CNTN3: variants seen among roughly 807,000 people sequenced by gnomAD.
CNTN3 encodes the protein contactin-3.
In CNTN3, 60 loss-of-function variants were observed where a neutral mutation model predicts 119.1. The observed-to-expected ratio is 0.50, with a 90% CI of 0.41 to 0.62. The LOEUF is 0.62. CNTN3 is among the 20% of genes least tolerant of loss of function. The pLI is 0.00. For missense variants in CNTN3, 1,101 were observed against 1,242.4 expected (o/e 0.89, Z 1.71); for synonymous variants, 450 against 438.7 (o/e 1.03, Z -0.32).
At chr3:74,484,052 C>A (rs1305428358) in intron 4 of CNTN3, among the ~76,000 whole-genome samples, 1 of 151,964 alleles carries the variant, frequency 6.6e-6, no homozygotes, top group Non-Finnish European at 1.5e-5. Flanking sequence ...AATTAAGAAT[C>A]CATAGTAGAA....
At chr3:74,334,948 A>G (rs758869919) in intron 12 of CNTN3, 38 bp from the exon 13 acceptor site, 30 of 1,545,720 alleles carry the variant, frequency 1.9e-5, no homozygotes, top group Non-Finnish European at 1.5e-5. Context: ...ACAGCATTTT[A>G]TTGTGATAAA....
At chr3:74,572,582 T>C (rs2106652982) in intron 1 of CNTN3, among the ~76,000 whole-genome samples, 1 of 152,372 alleles carries the variant, frequency 6.6e-6, no homozygotes, top group Admixed American at 6.5e-5. Context: ...TAACATGTTC[T>C]GTGCATATGT....
intron 5 of CNTN3, among the ~76,000 whole-genome samples, chr3:74,404,967 A>G (rs1409137095): frequency 6.6e-6 from 1 of 151,972 alleles, no homozygotes; most frequent in African/African-American, 2.4e-5. Context: ...CCCTACTCTA[A>G]AAAAATCTCC....
intron 4 of CNTN3, among the ~76,000 whole-genome samples, chr3:74,469,945 A>C (rs1453754281): frequency 6.6e-6 from 1 of 152,254 alleles, no homozygotes; most frequent in East Asian, 1.9e-4. Context: ...AAAAAGCAGA[A>C]ACAACCCTAA....
At chr3:74,496,736 T>C (rs1703071521) in intron 3 of CNTN3, among the ~76,000 whole-genome samples, 1 of 152,058 alleles carries the variant, frequency 6.6e-6, no homozygotes, top group South Asian at 2.1e-4. Context: ...GCAGTTACAA[T>C]GAGATTGAAT....
At chr3:74,466,579 C>T (rs1287013700) in intron 4 of CNTN3, among the ~76,000 whole-genome samples, 3 of 151,856 alleles carry the variant, frequency 2.0e-5, no homozygotes, top group African/African-American at 4.8e-5. Context: ...AACTTAAGGC[C>T]GAGATGAGTT....
chr3:74,285,511 A>G lies in CNTN3; in HGVS notation c.2518-20T>C. 1 of 1,589,392 alleles carries G rather than the reference A, an allele frequency of 6.3e-7. No individual in the cohort carries two copies. The highest frequency in any genetic ancestry group is 8.6e-7 in the Non-Finnish European group (1 of 1,169,546). ...CCGCACCTGGTGGGCGGAAGACACCAAACATGTGAAGGCTTAAAAAATTCT... is the reference window on the plus strand; with the variant it reads ...CCGCACCTGGTGGGCGGAAGACACCGAACATGTGAAGGCTTAAAAAATTCT... On this transcript the variant is annotated intron_variant, in intron 19 of 22. Coordinates refer to ENST00000263665, the MANE Select transcript of CNTN3 (RefSeq NM_020872.3).
At chr3:74,441,447 C>G (rs973327421) in intron 4 of CNTN3, among the ~76,000 whole-genome samples, 1 of 152,022 alleles carries the variant, frequency 6.6e-6, no homozygotes, top group Non-Finnish European at 1.5e-5. Context: ...CAGAATAAGC[C>G]AACAGCAAGA....
At position 74,597,083 on chromosome 3, in the gene CNTN3, T is replaced by C. The variant is rs181449415; in HGVS notation, c.-81+17308A>G. Among the ~76,000 whole-genome samples the C allele has an allele frequency of 2.0e-3, 305 of 152,148 alleles. 1 individual carries two copies. The highest frequency in any genetic ancestry group is 6.4e-3 in the African/African-American group (265 of 41,562). On this transcript the variant is annotated intron_variant, in intron 1 of 22. Transcript: ENST00000263665. The stretch of plus-strand genomic sequence containing the variant: ...ATAAAATTCTAAGGTTACAACTTAA[T>C]GAGAGGGGGGAAGGAAACTCCAGTC...
At chr3:74,481,071 A>G (rs1559624819) in intron 4 of CNTN3, among the ~76,000 whole-genome samples, 1 of 151,926 alleles carries the variant, frequency 6.6e-6, no homozygotes, top group African/African-American at 2.4e-5. Flanking sequence ...TAGTGTCACC[A>G]CTTGTTGACA....
At chr3:74,602,670 AAG>A (rs1704930894) in intron 1 of CNTN3, among the ~76,000 whole-genome samples, 1 of 152,092 alleles carries the variant, frequency 6.6e-6, no homozygotes, top group Non-Finnish European at 1.5e-5. Context: ...ACATGTGACT[AAG>A]AGTATATTTT....
chr3:74,292,195 G>T (rs560534021), intron 19 of CNTN3, among the ~76,000 whole-genome samples: 4 of 152,166 alleles, frequency 2.6e-5, no homozygotes, highest in African/African-American at 4.8e-5. Context: ...AATATTTACT[G>T]GAGAGAAATA....
chr3:74,401,504 A>ACG (rs1396252808), intron 5 of CNTN3, among the ~76,000 whole-genome samples: 23 of 150,340 alleles, frequency 1.5e-4, no homozygotes, highest in African/African-American at 4.8e-4. Flanking sequence ...CACACACCAC[A>ACG]CACGCGCGCA....
At chr3:74,343,862 T>G (rs1301521119) in intron 11 of CNTN3, among the ~76,000 whole-genome samples, 1 of 152,208 alleles carries the variant, frequency 6.6e-6, no homozygotes, top group Non-Finnish European at 1.5e-5. Flanking sequence ...CTGGTGCTGC[T>G]GATACAGGGA....
At chr3:74,582,779 GCATT>G (rs1704533548) in intron 1 of CNTN3, among the ~76,000 whole-genome samples, 1 of 127,840 alleles carries the variant, frequency 7.8e-6, no homozygotes, top group South Asian at 2.6e-4. Context: ...GCATGTGTAT[GCATT>G]TGTGTGTGTG....
chr3:74,378,526 T>G (rs998012403), intron 5 of CNTN3, among the ~76,000 whole-genome samples: 1 of 152,184 alleles, frequency 6.6e-6, no homozygotes, highest in African/African-American at 2.4e-5. Context: ...GGAAAAACAT[T>G]AAAAATGCTA....
Position 74,433,674 on chromosome 3 carries a change from C to A in CNTN3, c.359-8734G>T, listed in dbSNP as rs1471480335. 2.0e-5 allele frequency among the ~76,000 whole-genome samples: 3 copies of A among 152,192 alleles called. 1 individual carries two copies. The highest frequency in any genetic ancestry group is 2.0e-4 in the Admixed American group (3 of 15,274). ...TTGCTCCAACACTGTCAACTCCCAG[C>A]CACATACACTAAGCAACAACAAACT... On this transcript the variant is annotated intron_variant, in intron 4 of 22. Transcript: ENST00000263665.
At chr3:74,422,826 A>G (rs892999423) in intron 5 of CNTN3, among the ~76,000 whole-genome samples, 22 of 152,180 alleles carry the variant, frequency 1.4e-4, no homozygotes, top group Non-Finnish European at 2.2e-4. Flanking sequence ...TCTATCTAAT[A>G]TATCTCCCTC....
chr3:74,362,162 T>G, intron 10 of CNTN3, 122 bp from the exon 11 acceptor site: 2 of 1,016,348 alleles, frequency 2.0e-6, no homozygotes, highest in Non-Finnish European at 2.9e-6. Context: ...GTGCTTGATT[T>G]ACTTGGCTTA....
Sources: gnomAD v4.1 joint callset for allele counts (sites outside exome capture counted in the v4.1 genomes callset) on GRCh38, gnomAD v4.1.1 for gene constraint, MANE v1.5 for transcripts, NCBI Gene and HGNC (gene_info 2026-07-23, HGNC 2026-07-21) for gene names.